Variants in XPO1 observed in about 807,000 individuals in gnomAD.
The protein encoded by XPO1 is exportin 1.
In XPO1, 5 loss-of-function variants were observed where a neutral mutation model predicts 133.3. That is an observed-to-expected ratio of 0.04 (90% confidence interval 0.02 to 0.08). The LOEUF is 0.08. Among genes scored for constraint, XPO1 ranks in the 10% least tolerant of loss-of-function variants. XPO1 has a pLI of 1.00. For synonymous variants in XPO1, 419 were observed against 408.2 expected (o/e 1.03, Z -0.32); for missense variants, 506 against 1,267.5 (o/e 0.40, Z 9.12).
intron 6 of XPO1, among the ~76,000 whole-genome samples, chr2:61,500,659 G>C (rs1205864777): frequency 1.3e-5 from 2 of 150,684 alleles, no homozygotes; most frequent in Non-Finnish European, 2.9e-5. Flanking sequence ...ATTAGCCAGG[G>C]GTGGTGGCGC....
chr2:61,485,529 T>G, intron 20 of XPO1: 1 of 161,694 alleles, frequency 6.2e-6, no homozygotes, highest in East Asian at 2.0e-4. Context: ...CATGCCACCA[T>G]GACTGGTTAC....
chr2:61,481,073 T>C, intron 24 of XPO1, 112 bp downstream of exon 24: 1 of 646,356 alleles, frequency 1.5e-6, no homozygotes, highest in Non-Finnish European at 2.5e-6. Context: ...ACGTATTATC[T>C]TGAAACCCCA....
intron 3 of XPO1, chr2:61,525,932 G>C: frequency 9.5e-7 from 1 of 1,051,992 alleles, no homozygotes; most frequent in South Asian, 4.6e-5. Context: ...CAACCCTTCT[G>C]TTCAAACTTA....
chr2:61,532,746 T>C (rs1699212923), intron 2 of XPO1, among the ~76,000 whole-genome samples: 1 of 150,764 alleles, frequency 6.6e-6, no homozygotes, highest in South Asian at 2.1e-4. Context: ...GGCAGGTGAA[T>C]TGCTTGAAAA....
At chr2:61,498,640 C>T (rs186737438) in intron 9 of XPO1, 33 bp downstream of exon 9, 27 of 1,608,722 alleles carry the variant, frequency 1.7e-5, no homozygotes, top group African/African-American at 6.7e-5. Context: ...TGTGGCTATC[C>T]GGTGACAAAT....
At chr2:61,531,969 C>T (rs1428934575) in intron 2 of XPO1, among the ~76,000 whole-genome samples, 2 of 152,100 alleles carry the variant, frequency 1.3e-5, no homozygotes, top group Admixed American at 6.5e-5. Context: ...TTTCAAGTTT[C>T]TACTATAGTA....
intron 2 of XPO1, among the ~76,000 whole-genome samples, chr2:61,527,621 C>A (rs1303127354): frequency 2.0e-5 from 3 of 152,196 alleles, no homozygotes; most frequent in Non-Finnish European, 2.9e-5. Context: ...AAAACTAGGT[C>A]TAATTAAACC....
chr2:61,481,271 T>G lies in XPO1; in HGVS notation c.2983A>C (p.Lys995Gln). The part of the protein sequence containing the change: ...AFPHLQDAQV[K>Q]LFVTGLFSLN... ...CTGAAAAGCCCTGTCACAAAGAGCT[T>G]TACTTGAGCACTGCAAATCAAAACA... is the stretch of plus-strand genomic sequence containing the variant. Residue 995 changes from lysine to glutamine, a missense_variant, in exon 24 of 25, where the codon AAG becomes CAG. By Grantham distance (53) the Lys-to-Gln change is moderately conservative (BLOSUM62 1). Coordinates refer to ENST00000401558, the MANE Select transcript of XPO1 (RefSeq NM_003400.4). The G allele has an allele frequency of 6.2e-7, 1 of 1,609,238 alleles. No homozygotes were observed. The highest frequency in any genetic ancestry group is 8.5e-7 in the Non-Finnish European group (1 of 1,178,386).
chr2:61,525,866 C>T, intron 3 of XPO1: 2 of 1,045,298 alleles, frequency 1.9e-6, no homozygotes, highest in Non-Finnish European at 2.3e-6. Flanking sequence ...TACTTTAAGG[C>T]AGTTTAAAGA....
chr2:61,529,269 C>T (rs148554554), intron 2 of XPO1, among the ~76,000 whole-genome samples: 75 of 152,296 alleles, frequency 4.9e-4, no homozygotes, highest in African/African-American at 1.8e-3. Flanking sequence ...AACAATAAAG[C>T]ATCAAAAACA....
At position 61,501,977 on chromosome 2, in the gene XPO1, CAGTT is replaced by C. The variant is rs1697548251; in HGVS notation, c.408+15_408+18del. 6.4e-7 allele frequency: 1 copy of C among 1,569,768 alleles called. No homozygotes were observed. Among genetic ancestry groups the C allele is most frequent in the Non-Finnish European group, 8.7e-7 (1 of 1,153,226 alleles). On this transcript the variant is annotated intron_variant, in intron 6 of 24. Transcript: ENST00000401558. ...ATAAGCATAATTCTTCTAAGGAAAA[CAGTT>C]AAGTTAAAGCTTACCTGAACAAGGA...
At chr2:61,482,053 T>TTTTTC (rs1696397504) in intron 23 of XPO1, among the ~76,000 whole-genome samples, 1 of 139,882 alleles carries the variant, frequency 7.1e-6, no homozygotes, top group Non-Finnish European at 1.6e-5. Flanking sequence ...TTTTTTTTTT[T>TTTTTC]TTTTGCTTTT....
chr2:61,520,193 G>C (rs763953427), intron 4 of XPO1, among the ~76,000 whole-genome samples: 7 of 152,128 alleles, frequency 4.6e-5, no homozygotes, highest in African/African-American at 7.2e-5. Flanking sequence ...TAAAAGACAG[G>C]ACACTTACAG....
intron 4 of XPO1, among the ~76,000 whole-genome samples, chr2:61,514,449 TG>T (rs1698256197): frequency 2.6e-5 from 4 of 151,000 alleles, no homozygotes; most frequent in Admixed American, 6.6e-5. Flanking sequence ...AATAATTAGC[TG>T]GGTGTGGTGG....
At position 61,483,923 on chromosome 2, in the gene XPO1, C is replaced by A; in HGVS notation, c.2677+14G>T. 6.2e-7 allele frequency: 1 copy of A among 1,607,212 alleles called. No individual in the cohort carries two copies. Among genetic ancestry groups the A allele is most frequent in the Non-Finnish European group, 8.5e-7 (1 of 1,177,328 alleles). On this transcript the variant is annotated intron_variant, in intron 21 of 24. Transcript: ENST00000401558. ...ATTGGCAGGCAAATGAATAAAAGAA[C>A]ATCTTTTATTTACCCGTATCTGCGA... is the stretch of plus-strand genomic sequence containing the variant.
intron 4 of XPO1, among the ~76,000 whole-genome samples, chr2:61,514,843 A>G (rs1482389314): frequency 6.6e-6 from 1 of 152,028 alleles, no homozygotes; most frequent in East Asian, 1.9e-4. Context: ...GAGAGGCCGA[A>G]GTGGACAGAT....
chr2:61,538,313 C>T lies in XPO1; in HGVS notation c.-758G>A. 6.3e-6 allele frequency: 1 copy of T among 158,220 alleles called. No homozygotes were observed. Among genetic ancestry groups the T allele is most frequent in the Admixed American group, 6.5e-5 (1 of 15,448 alleles). The allele number at this position is 158,220 out of a possible 1,614,324, so 9.8% of individuals were successfully genotyped here. A position where few individuals can be genotyped will look rare whatever the true frequency, so the allele number is the denominator to read the frequency against. On this transcript the variant is annotated 5_prime_UTR_variant, in exon 1 of 25. Coordinates refer to ENST00000401558, the MANE Select transcript of XPO1 (RefSeq NM_003400.4). ...CGGTTCAGACTGGGAGATTCCATCT[C>T]GGTTGAGTTTTCAGCCCATGGCGCC...
chr2:61,528,373 G>A (rs939783452), intron 2 of XPO1, among the ~76,000 whole-genome samples: 5 of 151,872 alleles, frequency 3.3e-5, no homozygotes, highest in Non-Finnish European at 7.4e-5. Flanking sequence ...GGTGGCTTAC[G>A]CCTGTAATCC....
chr2:61,506,030 A>G (rs552763414), intron 4 of XPO1, among the ~76,000 whole-genome samples: 3 of 152,332 alleles, frequency 2.0e-5, no homozygotes, highest in Non-Finnish European at 2.9e-5. Flanking sequence ...ATTGCCTAGT[A>G]CAAGGATTAT....
Sources: gnomAD v4.1 joint callset for allele counts (sites outside exome capture counted in the v4.1 genomes callset) on GRCh38, gnomAD v4.1.1 for gene constraint, MANE v1.5 for transcripts, NCBI Gene and HGNC (gene_info 2026-07-23, HGNC 2026-07-21) for gene names.